The following SEPTIN6 variants were observed in gnomAD, a reference collection of about 807,000 sequenced individuals.
The protein encoded by SEPTIN6 is septin-6.
SEPTIN6 carries 8 observed loss-of-function variants against 33.6 expected under a neutral mutation model. The observed-to-expected ratio is 0.24, with a 90% CI of 0.14 to 0.43. The LOEUF (loss-of-function observed/expected upper bound fraction) is 0.43. SEPTIN6 is among the 20% of genes least tolerant of loss of function. The pLI, the probability that SEPTIN6 is intolerant of heterozygous loss-of-function variation, is 1.00. For missense variants in SEPTIN6, 250 were observed against 340.8 expected, an observed-to-expected ratio of 0.73 and a Z score of 2.10; for synonymous variants, 131 against 140.0, an observed-to-expected ratio of 0.94 and a Z score of 0.45.
At chrX:119,661,434 AAAAAT>A (rs2054544872) in intron 3 of SEPTIN6, among the ~76,000 whole-genome samples, 1 of 111,152 alleles carries the variant, frequency 9.0e-6, no homozygotes, top group South Asian at 3.7e-4. Flanking sequence ...CCGTCTCAAA[AAAAAT>A]AAAATAAAAT....
intron 2 of SEPTIN6, among the ~76,000 whole-genome samples, chrX:119,670,938 C>CA (rs369704386): frequency 0.27 from 22,929 of 84,895 alleles, 2,560 homozygotes; most frequent in East Asian, 0.43. Flanking sequence ...AACTCCATCT[C>CA]AAAAAAAAAA....
At chrX:119,675,720 G>A in intron 1 of SEPTIN6, 52 bp from the exon 2 acceptor site, 1 of 714,492 alleles carries the variant, frequency 1.4e-6, no homozygotes, top group Non-Finnish European at 1.9e-6. Flanking sequence ...AAAGCAGTCT[G>A]GGTCTCGCTT....
chrX:119,629,725 A>G (rs2053926640), intron 8 of SEPTIN6, among the ~76,000 whole-genome samples: 1 of 111,897 alleles, frequency 8.9e-6, no homozygotes, highest in African/African-American at 3.2e-5. Flanking sequence ...TCTGCTCCTG[A>G]ATATGGTAAA....
intron 5 of SEPTIN6, among the ~76,000 whole-genome samples, chrX:119,648,183 G>A (rs1263511070): frequency 9.1e-6 from 1 of 109,999 alleles, no homozygotes; most frequent in East Asian, 2.8e-4. Context: ...TGAGAACAGA[G>A]CCCAGGATGA....
chrX:119,676,646 G>A (rs2054847317), intron 1 of SEPTIN6, among the ~76,000 whole-genome samples: 1 of 110,747 alleles, frequency 9.0e-6, no homozygotes, highest in African/African-American at 3.3e-5. Context: ...GCATGTGCCT[G>A]TGTAGTCCCA....
At chrX:119,628,580 A>C (rs1322450281) in intron 9 of SEPTIN6, among the ~76,000 whole-genome samples, 1 of 98,610 alleles carries the variant, frequency 1.0e-5, no homozygotes, top group African/African-American at 3.9e-5. Flanking sequence ...ATCTCTGCTC[A>C]CTGCAAGCTC....
Position 119,619,015 on chromosome X carries a change from A to G in SEPTIN6, c.*1078T>C, listed in dbSNP as rs1432246887. The G allele has an allele frequency of 2.3e-5, 22 of 973,763 alleles. No individual in the cohort carries two copies. The highest frequency in any genetic ancestry group is 2.8e-5 in the Non-Finnish European group (22 of 775,507). 80.2% of individuals were successfully genotyped at this position (973,763 alleles called of 1,213,427 possible). ...ACTCTCAACTCCTTAAATTGGAAAG[A>G]AAGTTAAGGGCCTTTTCTTCTCTCC... is the stretch of plus-strand genomic sequence containing the variant. On this transcript the variant is annotated 3_prime_UTR_variant, in exon 11 of 11. Coordinates refer to ENST00000394610, the MANE Select transcript of SEPTIN6 (RefSeq NM_145799.4).
At chrX:119,631,182 C>CT (rs1045034639) in intron 8 of SEPTIN6, among the ~76,000 whole-genome samples, 5,562 of 94,887 alleles carry the variant, frequency 0.059, 569 homozygotes, top group African/African-American at 0.2. Context: ...TTTTTCTTTT[C>CT]TTTTTTTTTT....
chrX:119,651,907 T>C (rs935220302), intron 4 of SEPTIN6, among the ~76,000 whole-genome samples: 3 of 111,925 alleles, frequency 2.7e-5, no homozygotes, highest in Non-Finnish European at 5.6e-5. Context: ...GTGGATGTGC[T>C]ACTAAATGGC....
At position 119,693,162 on chromosome X, in the gene SEPTIN6, A is replaced by G; in HGVS notation, c.-57T>C. The G allele has an allele frequency of 2.7e-6, 3 of 1,107,290 alleles. No homozygotes were observed. Among genetic ancestry groups the G allele is most frequent in the Non-Finnish European group, 2.4e-6 (2 of 820,215 alleles). The allele number at this position is 1,107,290 out of a possible 1,213,427, so 91.3% of individuals were successfully genotyped here. ...GCCGCCGCAACGGGAGCTACTGCAC[A>G]GGAAACAGAGGAGCTCCTCCGACAA... On this transcript the variant is annotated 5_prime_UTR_variant, in exon 1 of 11. Coordinates refer to ENST00000394610, the MANE Select transcript of SEPTIN6 (RefSeq NM_145799.4).
At chrX:119,647,541 T>G (rs1218620849) in intron 5 of SEPTIN6, among the ~76,000 whole-genome samples, 6 of 96,627 alleles carry the variant, frequency 6.2e-5, no homozygotes, top group African/African-American at 2.5e-4. Flanking sequence ...AGTAGTGCAG[T>G]GGCTCGATCA....
rs373623998 is a variant in SEPTIN6 at position 119,642,245 on chromosome X, A to T, written c.691-1457T>A. ...AGGCTAAAGGGCTGGAGTAACACAGAGGAGGGAGCAATTCTTGGGAAGTCA... is the reference window on the plus strand; with the variant it reads ...AGGCTAAAGGGCTGGAGTAACACAGTGGAGGGAGCAATTCTTGGGAAGTCA... On this transcript the variant is annotated intron_variant, in intron 5 of 10. Transcript: ENST00000394610. Among the ~76,000 whole-genome samples, 9 of 109,995 alleles carry T rather than the reference A, an allele frequency of 8.2e-5. No homozygotes were observed. The East Asian group carries it at 2.3e-3, about 28-fold the overall frequency.
At chrX:119,648,168 T>G (rs939789738) in intron 5 of SEPTIN6, among the ~76,000 whole-genome samples, 1 of 110,006 alleles carries the variant, frequency 9.1e-6, no homozygotes, top group African/African-American at 3.3e-5. Context: ...AGGCCAGAGC[T>G]GAGCTGAGAA....
At chrX:119,632,675 T>G (rs1176059541) in intron 8 of SEPTIN6, among the ~76,000 whole-genome samples, 1 of 111,146 alleles carries the variant, frequency 9.0e-6, no homozygotes, top group African/African-American at 3.3e-5. Context: ...TCACCAAGGC[T>G]GGAGTGCAGT....
intron 5 of SEPTIN6, among the ~76,000 whole-genome samples, chrX:119,641,361 C>T (rs762440788): frequency 1.8e-5 from 2 of 112,036 alleles, no homozygotes; most frequent in Non-Finnish European, 3.8e-5. Flanking sequence ...GATTTACTCA[C>T]ATGACCATGC....
At chrX:119,650,966 C>T (rs1217253374) in intron 4 of SEPTIN6, among the ~76,000 whole-genome samples, 1 of 111,368 alleles carries the variant, frequency 9.0e-6, no homozygotes, top group East Asian at 2.8e-4. Flanking sequence ...GAAATTCCTC[C>T]AAGAAGGGAC....
intron 5 of SEPTIN6, among the ~76,000 whole-genome samples, chrX:119,643,491 T>C (rs1212622185): frequency 9.0e-6 from 1 of 110,965 alleles, no homozygotes; most frequent in Non-Finnish European, 1.9e-5. Flanking sequence ...ACCGTCAGAA[T>C]GATAGGGTGA....
chrX:119,627,496 C>T (rs2053873453), intron 9 of SEPTIN6, among the ~76,000 whole-genome samples: 1 of 110,950 alleles, frequency 9.0e-6, no homozygotes, highest in Non-Finnish European at 1.9e-5. Context: ...GGGGCACATG[C>T]AGCATACACT....
At chrX:119,690,393 G>A (rs1368241142) in intron 1 of SEPTIN6, among the ~76,000 whole-genome samples, 1 of 97,196 alleles carries the variant, frequency 1.0e-5, no homozygotes, top group Non-Finnish European at 2.1e-5. Flanking sequence ...ACACACTAGG[G>A]CACTTACTCG....
Sources: gnomAD v4.1 joint callset for allele counts (sites outside exome capture counted in the v4.1 genomes callset) on GRCh38, gnomAD v4.1.1 for gene constraint, MANE v1.5 for transcripts, NCBI Gene and HGNC (gene_info 2026-07-23, HGNC 2026-07-21) for gene names.